Variants in NCK2 observed in about 807,000 individuals in gnomAD.
The protein encoded by NCK2 is NCK adaptor protein 2, also known as cytoplasmic protein NCK2.
Under a neutral mutation model 33.9 loss-of-function variants are expected in NCK2, and 16 were observed. The observed-to-expected ratio is 0.47, with a 90% CI of 0.32 to 0.72. NCK2 has a LOEUF of 0.72. Ranked by LOEUF, NCK2 falls within the 30% of genes least tolerant of loss-of-function variation. NCK2 has a pLI of 0.03. For missense variants in NCK2, 418 were observed against 537.3 expected, an observed-to-expected ratio of 0.78 and a Z score of 2.19; for synonymous variants, 273 against 239.9, an observed-to-expected ratio of 1.14 and a Z score of -1.27.
chr2:105,863,568 G>A (rs1677631078), intron 3 of NCK2, among the ~76,000 whole-genome samples: 1 of 152,118 alleles, frequency 6.6e-6, no homozygotes. Context: ...GGAAGGATAA[G>A]GCTTAGTCCC....
intron 1 of NCK2, among the ~76,000 whole-genome samples, chr2:105,767,406 A>G (rs571400121): frequency 1.7e-4 from 26 of 152,222 alleles, no homozygotes; most frequent in South Asian, 6.2e-4. Context: ...GGTGTTCTTT[A>G]TAAGTGTTAC....
At position 105,823,136 on chromosome 2, in the gene NCK2, GT is replaced by G. The variant is rs1415708001; in HGVS notation, c.-17+6524del. Among the ~76,000 whole-genome samples the G allele has an allele frequency of 1.6e-4, 3 of 18,242 alleles. No homozygotes were observed. The East Asian group carries it at 3.1e-3, about 19-fold the overall frequency. The allele number at this position is 18,242 out of a possible 152,430, so 12.0% of individuals were successfully genotyped here. A position where few individuals can be genotyped will look rare whatever the true frequency, so the allele number is the denominator to read the frequency against. Reference sequence around the variant, plus strand: ...AAAACAAAAAGTCCTCTCATGCTGTGTGTGTGTGTGTGTGTGTGTGTGTGTG... The same window carrying G: ...AAAACAAAAAGTCCTCTCATGCTGTGGTGTGTGTGTGTGTGTGTGTGTGTG... On this transcript the variant is annotated intron_variant, in intron 2 of 4. Transcript: ENST00000233154.
intron 1 of NCK2, among the ~76,000 whole-genome samples, chr2:105,807,761 C>T (rs1356908459): frequency 4.6e-5 from 2 of 43,118 alleles, no homozygotes; most frequent in Admixed American, 3.0e-4. Context: ...CTCCCTCCCT[C>T]CCTTCTCTCC....
intron 1 of NCK2, among the ~76,000 whole-genome samples, chr2:105,745,573 G>A (rs1401711767): frequency 1.3e-5 from 2 of 152,180 alleles, no homozygotes; most frequent in Non-Finnish European, 2.9e-5. Context: ...CAGGGCGCGT[G>A]TGCCGGGGAA....
At chr2:105,777,362 G>T (rs1225710894) in intron 1 of NCK2, among the ~76,000 whole-genome samples, 2 of 152,252 alleles carry the variant, frequency 1.3e-5, no homozygotes, top group African/African-American at 4.8e-5. Context: ...AGGTACAGAG[G>T]AGGGCTGGGG....
At chr2:105,770,557 A>G (rs1690100677) in intron 1 of NCK2, among the ~76,000 whole-genome samples, 1 of 152,214 alleles carries the variant, frequency 6.6e-6, no homozygotes, top group Admixed American at 6.5e-5. Context: ...AAGGCTATAG[A>G]ATATCTGTCA....
chr2:105,771,008 T>C (rs1166620679), intron 1 of NCK2, among the ~76,000 whole-genome samples: 2 of 151,946 alleles, frequency 1.3e-5, no homozygotes, highest in Non-Finnish European at 2.9e-5. Context: ...CTGCAAGCTC[T>C]GCCTCCCGGG....
chr2:105,881,164 C>T (rs1051891776), intron 3 of NCK2, among the ~76,000 whole-genome samples, 164 bp from the exon 4 acceptor site: 2 of 152,150 alleles, frequency 1.3e-5, no homozygotes, highest in Admixed American at 1.3e-4. Context: ...AGGCAGCTGC[C>T]AGCAACCGTA....
intron 1 of NCK2, among the ~76,000 whole-genome samples, chr2:105,802,814 A>G (rs1348781790): frequency 1.3e-5 from 2 of 151,808 alleles, no homozygotes; most frequent in East Asian, 3.9e-4. Context: ...TGTCACATAC[A>G]TGGGCCATGG....
At chr2:105,787,906 C>T (rs59435090) in intron 1 of NCK2, among the ~76,000 whole-genome samples, 23,856 of 151,846 alleles carry the variant, frequency 0.16, 2,210 homozygotes, top group South Asian at 0.26. Flanking sequence ...TACCGCCCCC[C>T]ACCGCCCCCG....
At position 105,808,423 on chromosome 2, in the gene NCK2, C is replaced by T. The variant is rs184849502; in HGVS notation, c.-200-8007C>T. ...AGGACAAGGGCTGGACTCCCTGATA[C>T]ATTAGCACCTCTAACTTGTTTCATT... On this transcript the variant is annotated intron_variant, in intron 1 of 4. Transcript: ENST00000233154. 9.5e-4 allele frequency among the ~76,000 whole-genome samples: 144 copies of T among 152,314 alleles called. 2 individuals carry two copies. The highest frequency in any genetic ancestry group is 3.2e-3 in the African/African-American group (135 of 41,576).
intron 1 of NCK2, among the ~76,000 whole-genome samples, chr2:105,808,827 TGTG>T (rs1675185032): frequency 6.6e-6 from 1 of 152,122 alleles, no homozygotes; most frequent in East Asian, 1.9e-4. Context: ...TTGGTAATGA[TGTG>T]GGGTGTGATA....
intron 4 of NCK2, among the ~76,000 whole-genome samples, chr2:105,892,719 T>G (rs1158123431): frequency 6.6e-6 from 1 of 151,920 alleles, no homozygotes; most frequent in Non-Finnish European, 1.5e-5. Flanking sequence ...GGTGGCAGGT[T>G]CCTGTAATCC....
intron 2 of NCK2, among the ~76,000 whole-genome samples, chr2:105,822,127 T>G (rs1297990573): frequency 2.0e-5 from 3 of 151,928 alleles, no homozygotes; most frequent in Non-Finnish European, 4.4e-5. Context: ...TCGTGAGATT[T>G]ATTTTTTTCT....
chr2:105,862,557 T>C (rs892814370), intron 3 of NCK2, among the ~76,000 whole-genome samples: 2 of 152,126 alleles, frequency 1.3e-5, no homozygotes, highest in Non-Finnish European at 2.9e-5. Flanking sequence ...CTTTGTACGT[T>C]TGGGGGGACT....
At chr2:105,852,334 G>T (rs1226638183) in intron 2 of NCK2, among the ~76,000 whole-genome samples, 1 of 152,140 alleles carries the variant, frequency 6.6e-6, no homozygotes, top group African/African-American at 2.4e-5. Flanking sequence ...GAAGTTCTGT[G>T]GGGTGTTGTT....
At chr2:105,845,613 C>T (rs1325226321) in intron 2 of NCK2, among the ~76,000 whole-genome samples, 5 of 151,984 alleles carry the variant, frequency 3.3e-5, no homozygotes, top group Non-Finnish European at 5.9e-5. Flanking sequence ...AGGCTGGTCT[C>T]GAACTCCTGA....
intron 4 of NCK2, among the ~76,000 whole-genome samples, chr2:105,884,163 C>T (rs1199591909): frequency 6.6e-6 from 1 of 152,198 alleles, no homozygotes; most frequent in African/African-American, 2.4e-5. Context: ...ATAACCAAGG[C>T]GTTCTCAGCT....
chr2:105,869,632 G>A (rs1298035090), intron 3 of NCK2, among the ~76,000 whole-genome samples: 3 of 152,188 alleles, frequency 2.0e-5, no homozygotes, highest in African/African-American at 7.2e-5. Context: ...CTGAGCAGGT[G>A]TGGTCCTGCA....
Sources: gnomAD v4.1 joint callset for allele counts (sites outside exome capture counted in the v4.1 genomes callset) on GRCh38, gnomAD v4.1.1 for gene constraint, MANE v1.5 for transcripts, NCBI Gene and HGNC (gene_info 2026-07-23, HGNC 2026-07-21) for gene names.